Variants in RASGRP3 observed in about 807,000 individuals in gnomAD.
RASGRP3 encodes RAS guanyl releasing protein 3.
Under a neutral mutation model 82.7 loss-of-function variants are expected in RASGRP3, and 54 were observed. The ratio of observed to expected loss-of-function variants is 0.65; its 90% CI spans 0.52 to 0.82. RASGRP3 has a LOEUF of 0.82. Ranked by LOEUF, RASGRP3 falls within the 40% of genes least tolerant of loss-of-function variation. RASGRP3 has a pLI of 0.00. For synonymous variants in RASGRP3, 309 were observed against 300.5 expected, an observed-to-expected ratio of 1.03 and a Z score of -0.29; for missense variants, 861 against 828.9, an observed-to-expected ratio of 1.04 and a Z score of -0.48.
At chr2:33,551,410 G>A (rs780519086) in intron 14 of RASGRP3, among the ~76,000 whole-genome samples, 3 of 152,200 alleles carry the variant, frequency 2.0e-5, no homozygotes, top group African/African-American at 4.8e-5. Context: ...GGATGGGGCC[G>A]TGCATAACAC....
At chr2:33,462,009 T>C (rs1389842287) in intron 2 of RASGRP3, among the ~76,000 whole-genome samples, 1 of 152,232 alleles carries the variant, frequency 6.6e-6, no homozygotes. Context: ...TGGGTTTGGA[T>C]AACCTGGTAA....
intron 10 of RASGRP3, among the ~76,000 whole-genome samples, chr2:33,528,451 A>G (rs958503546): frequency 6.6e-6 from 1 of 152,262 alleles, no homozygotes; most frequent in Non-Finnish European, 1.5e-5. Flanking sequence ...AAGAAGAGGC[A>G]TAACAAAATT....
chr2:33,507,122 A>G (rs1465630924), intron 1 of RASGRP3, among the ~76,000 whole-genome samples: 1 of 152,238 alleles, frequency 6.6e-6, no homozygotes, highest in African/African-American at 2.4e-5. Flanking sequence ...GAGGCCAGGC[A>G]CAGTGGCTCA....
intron 2 of RASGRP3, among the ~76,000 whole-genome samples, chr2:33,464,780 T>C (rs1187147769): frequency 6.6e-6 from 1 of 152,216 alleles, no homozygotes; most frequent in East Asian, 1.9e-4. Flanking sequence ...CTGTGATCTG[T>C]GATCTTTGAT....
chr2:33,503,527 C>A (rs369798202), intron 1 of RASGRP3, among the ~76,000 whole-genome samples: 13 of 152,192 alleles, frequency 8.5e-5, no homozygotes, highest in African/African-American at 3.1e-4. Flanking sequence ...TTAAGTGGAG[C>A]CTTCTAATTA....
chr2:33,500,849 G>A (rs4670632), intron 1 of RASGRP3, among the ~76,000 whole-genome samples: 36 of 152,270 alleles, frequency 2.4e-4, no homozygotes, highest in Admixed American at 1.8e-3. Context: ...CAGGAGAATC[G>A]CTTGAACCTG....
intron 1 of RASGRP3, among the ~76,000 whole-genome samples, chr2:33,490,184 C>T (rs572937672): frequency 6.6e-6 from 1 of 152,180 alleles, no homozygotes; most frequent in South Asian, 2.1e-4. Context: ...TTTCAGCTTC[C>T]TCTACTATGT....
intron 13 of RASGRP3, among the ~76,000 whole-genome samples, chr2:33,545,703 A>G (rs1674665116): frequency 6.6e-6 from 1 of 152,244 alleles, no homozygotes; most frequent in Non-Finnish European, 1.5e-5. Context: ...GTGGACAATA[A>G]GCATATGAAA....
chr2:33,520,571 T>A lies in RASGRP3; in HGVS notation c.255T>A (p.Phe85Leu). 6.2e-7 allele frequency: 1 copy of A among 1,614,046 alleles called. No individual in the cohort carries two copies. The highest frequency in any genetic ancestry group is 1.6e-4 in the Middle Eastern group (1 of 6,062). ...CTTTCAGGTACTGGATTCTGAAGTT[T>A]CCTGCAGAGTTTAATTTGGATCTTG... ...CYFMRYWILK[F>L]PAEFNLDLGL... Residue 85 changes from phenylalanine to leucine, a missense_variant, in exon 6 of 18, where the codon TTT becomes TTA. Coordinates refer to ENST00000403687, the MANE Select transcript of RASGRP3 (RefSeq NM_001139488.2).
chr2:33,541,112 GA>G (rs1282726139), intron 12 of RASGRP3, among the ~76,000 whole-genome samples: 1 of 147,200 alleles, frequency 6.8e-6, no homozygotes, highest in Non-Finnish European at 1.5e-5. Flanking sequence ...TGTGTTTGCA[GA>G]AAGAACTTAC....
At chr2:33,474,897 T>C (rs1667267041), upstream of RASGRP3, among the ~76,000 whole-genome samples, 3 of 152,240 alleles carry the variant, frequency 2.0e-5, no homozygotes, top group Admixed American at 2.0e-4. Context: ...CTGTTGGGCA[T>C]TGAAGAGTTT....
At chr2:33,475,608 T>C (rs930836385), upstream of RASGRP3, among the ~76,000 whole-genome samples, 3 of 152,174 alleles carry the variant, frequency 2.0e-5, no homozygotes, top group Admixed American at 2.0e-4. Flanking sequence ...CAGACACTGA[T>C]TCGGGGAAGT....
At chr2:33,447,638 T>C (rs1436168720) in intron 1 of RASGRP3, among the ~76,000 whole-genome samples, 1 of 152,072 alleles carries the variant, frequency 6.6e-6, no homozygotes, top group Admixed American at 6.6e-5. Context: ...TTCACCATAT[T>C]GGCCTTGAAC....
At chr2:33,486,023 A>C (rs1220234268) in intron 1 of RASGRP3, among the ~76,000 whole-genome samples, 4 of 152,212 alleles carry the variant, frequency 2.6e-5, no homozygotes, top group Non-Finnish European at 5.9e-5. Flanking sequence ...TTCTCAACCA[A>C]AACTTCAGGA....
At chr2:33,540,868 A>G (rs114802058) in intron 12 of RASGRP3, among the ~76,000 whole-genome samples, 3,599 of 146,156 alleles carry the variant, frequency 0.025, 215 homozygotes, top group African/African-American at 0.082. Flanking sequence ...AATTAAAAAA[A>G]AAAAGGTAAT....
intron 1 of RASGRP3, among the ~76,000 whole-genome samples, chr2:33,489,390 G>A (rs1668665103): frequency 6.6e-6 from 1 of 152,158 alleles, no homozygotes; most frequent in Non-Finnish European, 1.5e-5. Flanking sequence ...GAGATGAGAT[G>A]TCAAATGGCC....
At chr2:33,472,942 G>C (rs1011883260), upstream of RASGRP3, among the ~76,000 whole-genome samples, 1 of 151,184 alleles carries the variant, frequency 6.6e-6, no homozygotes, top group African/African-American at 2.4e-5. Context: ...AGCAGTTTCA[G>C]TGAAGTGAGG....
At chr2:33,463,339 A>G (rs1468156277) in intron 2 of RASGRP3, among the ~76,000 whole-genome samples, 1 of 152,236 alleles carries the variant, frequency 6.6e-6, no homozygotes, top group Non-Finnish European at 1.5e-5. Flanking sequence ...GAATTATAAT[A>G]AGTAAATGCA....
At chr2:33,441,180 C>T (rs911789894) in intron 1 of RASGRP3, among the ~76,000 whole-genome samples, 11 of 152,188 alleles carry the variant, frequency 7.2e-5, no homozygotes, top group South Asian at 2.1e-4. Context: ...GCGTGAGCCA[C>T]GGCACCCAGC....
Sources: allele counts gnomAD v4.1 joint callset (sites outside exome capture counted in the v4.1 genomes callset), GRCh38; gene constraint gnomAD v4.1.1; transcripts MANE v1.5; gene names NCBI Gene and HGNC (gene_info 2026-07-23, HGNC 2026-07-21).